DGKB: variants seen among roughly 807,000 people sequenced by gnomAD.
DGKB encodes the protein 90 kDa diacylglycerol kinase.
Under a neutral mutation model 114.3 loss-of-function variants are expected in DGKB, and 67 were observed. The ratio of observed to expected loss-of-function variants is 0.59; its 90% CI spans 0.48 to 0.72. The LOEUF is 0.72. DGKB is among the 30% of genes least tolerant of loss of function. DGKB has a pLI of 0.00. For missense variants in DGKB, 907 were observed against 975.2 expected, an observed-to-expected ratio of 0.93 and a Z score of 0.93; for synonymous variants, 398 against 323.1, an observed-to-expected ratio of 1.23 and a Z score of -2.49.
intron 1 of DGKB, among the ~76,000 whole-genome samples, chr7:14,925,730 T>C (rs1784710908): frequency 6.6e-6 from 1 of 152,156 alleles, no homozygotes; most frequent in Non-Finnish European, 1.5e-5. Context: ...GCAAGTTATT[T>C]TATATTTTGA....
intron 4 of DGKB, 90 bp downstream of exon 4, chr7:14,753,838 T>G: frequency 1.2e-6 from 1 of 835,962 alleles, no homozygotes; most frequent in Non-Finnish European, 2.0e-6. Context: ...GGTACAGAAG[T>G]ATAGTTCAGT....
At chr7:14,734,020 C>CGTGTGTGTGTGT (rs71004332) in intron 5 of DGKB, among the ~76,000 whole-genome samples, 31 of 148,286 alleles carry the variant, frequency 2.1e-4, no homozygotes, top group African/African-American at 7.4e-4. Context: ...TATACCAACA[C>CGTGTGTGTGTGT]GTGTGTGTGT....
intron 21 of DGKB, among the ~76,000 whole-genome samples, chr7:14,416,645 A>AAAC (rs1272449803): frequency 1.3e-5 from 2 of 151,974 alleles, no homozygotes; most frequent in Non-Finnish European, 2.9e-5. Flanking sequence ...TTTTAAGGGG[A>AAAC]AACACCTTTC....
rs1163630138 is a variant in DGKB, at chr7:14,694,144, C to T, written c.642G>A (p.Val214=). 1 of 1,589,664 alleles carries T rather than the reference C, an allele frequency of 6.3e-7. No homozygotes were observed. Among genetic ancestry groups the T allele is most frequent in the Non-Finnish European group, 8.6e-7 (1 of 1,166,358 alleles). ...EEIDYDHDGT[V]SLEEWIQGGM... ...CTCCTTGAATCCATTCCTCCAGAGA[C>T]ACGGTTCCATCATGATCATAGTCAA... is the stretch of plus-strand genomic sequence containing the variant. The change falls in exon 9 of 26, where the codon GTG becomes GTA. Residue 214 remains valine, a synonymous_variant. Coordinates refer to ENST00000402815, the MANE Select transcript of DGKB (RefSeq NM_001350709.2).
chr7:14,803,334 C>T (rs1842415586), intron 2 of DGKB, among the ~76,000 whole-genome samples: 1 of 152,102 alleles, frequency 6.6e-6, no homozygotes, highest in Non-Finnish European at 1.5e-5. Flanking sequence ...GGATAAAACC[C>T]TCTTTTTCCT....
chr7:14,283,418 T>C (rs375973334), intron 23 of DGKB, among the ~76,000 whole-genome samples: 9 of 151,278 alleles, frequency 5.9e-5, no homozygotes, highest in East Asian at 1.9e-4. Flanking sequence ...GAATCAATAT[T>C]GTGAAAATGG....
At chr7:14,468,847 T>C (rs888185732) in intron 21 of DGKB, among the ~76,000 whole-genome samples, 3 of 152,108 alleles carry the variant, frequency 2.0e-5, no homozygotes, top group Non-Finnish European at 4.4e-5. Flanking sequence ...ATCCTAGAAG[T>C]ATTTGTATGT....
intron 4 of DGKB, among the ~76,000 whole-genome samples, chr7:14,750,869 T>A (rs1047109587): frequency 1.4e-5 from 2 of 139,948 alleles, no homozygotes; most frequent in Non-Finnish European, 3.0e-5. Context: ...AATGGCGCGA[T>A]CTCGGTTCAC....
rs535937868 is a variant in DGKB at position 14,841,423 on chromosome 7, C to T, written c.-160G>A. 493 of 470,362 alleles carry T rather than the reference C, an allele frequency of 1.0e-3. 1 individual carries two copies. The highest frequency in any genetic ancestry group is 1.5e-3 in the Non-Finnish European group (387 of 265,658). 29.1% of individuals were successfully genotyped at this position (470,362 alleles called of 1,614,324 possible). A position where few individuals can be genotyped will look rare whatever the true frequency, so the allele number is the denominator to read the frequency against. Reference sequence around the variant, plus strand: ...TGTCCACATGAAACTGCTTTGGATGCTTGTAATTTCAATAATGTGTTAAAG... The same window carrying T: ...TGTCCACATGAAACTGCTTTGGATGTTTGTAATTTCAATAATGTGTTAAAG... On this transcript the variant is annotated 5_prime_UTR_variant, in exon 2 of 26. Transcript: ENST00000402815.
At chr7:14,539,454 A>G (rs2128615105) in intron 20 of DGKB, among the ~76,000 whole-genome samples, 2 of 152,288 alleles carry the variant, frequency 1.3e-5, no homozygotes, top group East Asian at 3.9e-4. Flanking sequence ...AGCATTCATA[A>G]AAGTGATTGT....
intron 23 of DGKB, among the ~76,000 whole-genome samples, chr7:14,280,476 C>A (rs927839598): frequency 1.3e-5 from 2 of 150,812 alleles, no homozygotes; most frequent in African/African-American, 4.9e-5. Context: ...TCTAGCAAGG[C>A]AGGCCAACAT....
intron 2 of DGKB, among the ~76,000 whole-genome samples, chr7:14,822,575 A>T (rs934197631): frequency 1.3e-5 from 2 of 152,152 alleles, no homozygotes; most frequent in African/African-American, 2.4e-5. Context: ...TAAGAGCAGA[A>T]GCCAGACAGC....
chr7:14,170,099 A>G (rs1220464573), intron 25 of DGKB, among the ~76,000 whole-genome samples: 2 of 147,648 alleles, frequency 1.4e-5, no homozygotes, highest in Non-Finnish European at 3.0e-5. Flanking sequence ...ACACCATTGC[A>G]CTCCAGCCTG....
At chr7:14,511,971 A>G (rs755040704) in intron 20 of DGKB, among the ~76,000 whole-genome samples, 27 of 152,198 alleles carry the variant, frequency 1.8e-4, no homozygotes, top group Non-Finnish European at 3.2e-4. Flanking sequence ...CCAAACAATG[A>G]CAACAGTAAC....
At position 14,755,498 on chromosome 7, in the gene DGKB, T is replaced by C. The variant is rs536404488; in HGVS notation, c.148-1550A>G. ...TCCAAATTCAGGTTGCATTACTCAATTGTCCATTTTTTCTTGTATAATTCA... is the reference window on the plus strand; with the variant it reads ...TCCAAATTCAGGTTGCATTACTCAACTGTCCATTTTTTCTTGTATAATTCA... On this transcript the variant is annotated intron_variant, in intron 3 of 25. Transcript: ENST00000402815. Among the ~76,000 whole-genome samples, 3 of 152,288 alleles carry C rather than the reference T, an allele frequency of 2.0e-5. No individual in the cohort carries two copies. In the East Asian group the frequency reaches 5.8e-4, roughly 29 times the overall value.
rs1215796703 is a variant in DGKB at position 14,774,173 on chromosome 7, A to G, written c.71-16442T>C. On this transcript the variant is annotated intron_variant, in intron 2 of 25. Transcript: ENST00000402815. ...CAAGCCATAGAGAAATGTCTTAGGCATTGTTGTTTCTCTAATGGGAAGAGC... is the reference window on the plus strand; with the variant it reads ...CAAGCCATAGAGAAATGTCTTAGGCGTTGTTGTTTCTCTAATGGGAAGAGC... 3.3e-5 allele frequency among the ~76,000 whole-genome samples: 5 copies of G among 152,236 alleles called. No individual in the cohort carries two copies. The East Asian group carries it at 9.6e-4, about 29-fold the overall frequency.
At chr7:14,379,360 G>A (rs530993402) in intron 21 of DGKB, among the ~76,000 whole-genome samples, 1 of 150,664 alleles carries the variant, frequency 6.6e-6, no homozygotes, top group African/African-American at 2.4e-5. Flanking sequence ...GAAATTCTAG[G>A]ATGAAATCCA....
At chr7:14,301,904 C>G (rs977558661) in intron 23 of DGKB, among the ~76,000 whole-genome samples, 1 of 152,006 alleles carries the variant, frequency 6.6e-6, no homozygotes, top group African/African-American at 2.4e-5. Flanking sequence ...AAGTATGGGG[C>G]TTGGCAAATG....
chr7:14,234,532 A>C (rs1305518836), intron 23 of DGKB, among the ~76,000 whole-genome samples: 1 of 152,104 alleles, frequency 6.6e-6, no homozygotes, highest in African/African-American at 2.4e-5. Context: ...TGCCAAATAA[A>C]TTGCAAGGAA....
Sources: gnomAD v4.1 joint callset for allele counts (sites outside exome capture counted in the v4.1 genomes callset) on GRCh38, gnomAD v4.1.1 for gene constraint, MANE v1.5 for transcripts, NCBI Gene and HGNC (gene_info 2026-07-23, HGNC 2026-07-21) for gene names.